The following DLGAP4 variants were observed in gnomAD, a reference collection of about 807,000 sequenced individuals.
DLGAP4 encodes disks large-associated protein 4.
DLGAP4 carries 18 observed loss-of-function variants against 86.9 expected under a neutral mutation model. That is an observed-to-expected ratio of 0.21 (90% CI 0.14 to 0.31). The LOEUF (loss-of-function observed/expected upper bound fraction) is 0.31. Ranked by LOEUF, DLGAP4 falls within the 10% of genes least tolerant of loss-of-function variation. The pLI is 1.00. For missense variants in DLGAP4, 1,085 were observed against 1,362.6 expected (o/e 0.80, Z 3.21); for synonymous variants, 548 against 574.3 (o/e 0.95, Z 0.65).
At chr20:36,411,309 G>A (rs1164775424) in intron 2 of DLGAP4, among the ~76,000 whole-genome samples, 1 of 152,074 alleles carries the variant, frequency 6.6e-6, no homozygotes, top group Admixed American at 6.6e-5. Flanking sequence ...ATTCTTGTCT[G>A]AGGGTCTGCT....
chr20:36,392,890 G>T (rs1253902305), intron 2 of DLGAP4, among the ~76,000 whole-genome samples: 1 of 151,868 alleles, frequency 6.6e-6, no homozygotes, highest in South Asian at 2.1e-4. Context: ...GGTGAGAGAG[G>T]TGTCTCTGAG....
At chr20:36,452,884 G>C (rs1600550512) in intron 7 of DLGAP4, among the ~76,000 whole-genome samples, 1 of 142,388 alleles carries the variant, frequency 7.0e-6, no homozygotes, top group South Asian at 2.2e-4. Context: ...TCAGGCTGGA[G>C]TGCAATGGCA....
chr20:36,443,418 T>C lies in DLGAP4; in HGVS notation c.1407+641T>C, dbSNP rs77372824. Among the ~76,000 whole-genome samples, 527 of 152,216 alleles carry C rather than the reference T, an allele frequency of 3.5e-3. 2 individuals carry two copies. Among genetic ancestry groups the C allele is most frequent in the African/African-American group, 0.012 (509 of 41,528 alleles). ...AAGGTACTCTGAGATCAACCCCACT[T>C]TGTAGCCAGGAGTGGGTAAGGGACT... On this transcript the variant is annotated intron_variant, in intron 6 of 12. Coordinates refer to ENST00000339266, the MANE Select transcript of DLGAP4 (RefSeq NM_001365621.2).
chr20:36,515,639 G>A (rs1294135684), intron 10 of DLGAP4, among the ~76,000 whole-genome samples: 1 of 152,154 alleles, frequency 6.6e-6, no homozygotes, highest in Non-Finnish European at 1.5e-5. Context: ...TGCCCAGGCT[G>A]GTCTCAAACT....
chr20:36,395,858 C>T (rs1257329618), intron 2 of DLGAP4, among the ~76,000 whole-genome samples: 1 of 152,096 alleles, frequency 6.6e-6, no homozygotes, highest in African/African-American at 2.4e-5. Context: ...CATATTTGAT[C>T]GCTTATGGCC....
intron 7 of DLGAP4, among the ~76,000 whole-genome samples, chr20:36,470,496 G>GT (rs897657448): frequency 3.6e-4 from 54 of 151,122 alleles, no homozygotes; most frequent in Admixed American, 1.7e-3. Context: ...TTTGCTGGAG[G>GT]TTTTTTTTGT....
intron 7 of DLGAP4, among the ~76,000 whole-genome samples, chr20:36,453,482 T>G (rs998111793): frequency 6.6e-6 from 1 of 151,934 alleles, no homozygotes; most frequent in Non-Finnish European, 1.5e-5. Flanking sequence ...AGAACCTGTC[T>G]CTACAAAATA....
chr20:36,412,161 A>G (rs1478639809), intron 2 of DLGAP4, among the ~76,000 whole-genome samples: 1 of 152,266 alleles, frequency 6.6e-6, no homozygotes, highest in East Asian at 1.9e-4. Flanking sequence ...CAATTGCTGC[A>G]TTCTGACCAT....
At chr20:36,390,525 C>T (rs1003467107) in intron 2 of DLGAP4, among the ~76,000 whole-genome samples, 2 of 152,138 alleles carry the variant, frequency 1.3e-5, no homozygotes, top group South Asian at 4.2e-4. Context: ...CTATATTTAA[C>T]TCCCACGCTG....
chr20:36,490,917 G>A (rs1479631214), intron 7 of DLGAP4, among the ~76,000 whole-genome samples: 6 of 151,974 alleles, frequency 3.9e-5, no homozygotes, highest in East Asian at 1.9e-4. Context: ...AATGCAGGCC[G>A]GGCACGGTGG....
chr20:36,497,254 C>T (rs1295768431), intron 8 of DLGAP4, 188 bp downstream of exon 8: 5 of 985,308 alleles, frequency 5.1e-6, no homozygotes, highest in Admixed American at 6.1e-5. Context: ...TCTGTCCACA[C>T]GTGCTGCTGG....
At chr20:36,434,322 A>G (rs1484423013) in intron 3 of DLGAP4, among the ~76,000 whole-genome samples, 2 of 152,216 alleles carry the variant, frequency 1.3e-5, no homozygotes, top group Admixed American at 1.3e-4. Context: ...AAATTCCAGA[A>G]ACAGTGAGAC....
At position 36,431,448 on chromosome 20, in the gene DLGAP4, T is replaced by C. The variant is rs1032964803; in HGVS notation, c.-72-198T>C. Among the ~76,000 whole-genome samples, 1 of 152,284 alleles carries C rather than the reference T, an allele frequency of 6.6e-6. No homozygotes were observed. ...AATGGAAGATGTTGTGCTTGTCTGA[T>C]AGTCGGTAGCTTGAGTTGTAACTTT... On this transcript the variant is annotated intron_variant, in intron 2 of 12. Transcript: ENST00000339266. This position sits in a 1 kb window ranked among gnomAD's most constrained non-coding sequence, Gnocchi z 5.1.
chr20:36,461,645 G>A (rs2034059079), intron 7 of DLGAP4: 1 of 842,854 alleles, frequency 1.2e-6, no homozygotes, highest in Non-Finnish European at 1.4e-6. Flanking sequence ...GGCCCCGCGA[G>A]GAGACGGGGG....
At chr20:36,436,536 G>A (rs1033019117) in intron 4 of DLGAP4, among the ~76,000 whole-genome samples, 186 bp downstream of exon 4, 2 of 152,164 alleles carry the variant, frequency 1.3e-5, no homozygotes, top group South Asian at 2.1e-4. Context: ...AATAAGGCCC[G>A]CCCGGCGCGG....
Position 36,436,163 on chromosome 20 carries a change from G to C in DLGAP4, c.1054G>C (p.Asp352His). 1 of 1,596,812 alleles carries C rather than the reference G, an allele frequency of 6.3e-7. No homozygotes were observed. The highest frequency in any genetic ancestry group is 8.5e-7 in the Non-Finnish European group (1 of 1,177,180). ...CACGCTGCTGTCCCCACGCGAGACG[G>C]ATGCCGCGGCCGAGGGCCCTATCCC... ...STTLLSPRET[D>H]AAAEGPIPCR... Residue 352 changes from aspartate to histidine, a missense_variant, in exon 4 of 13, where the codon GAT becomes CAT. By Grantham distance (81) the Asp-to-His change is moderately conservative (BLOSUM62 -1). Around this residue, in one of 2 missense-constraint regions of DLGAP4, gnomAD observed 1,082 missense variants for 1,344.1 expected, o/e 0.81. Transcript: ENST00000339266.
chr20:36,368,791 T>C (rs1004399999), intron 2 of DLGAP4, among the ~76,000 whole-genome samples: 1 of 152,256 alleles, frequency 6.6e-6, no homozygotes, highest in Non-Finnish European at 1.5e-5. Flanking sequence ...GCAATTACTA[T>C]GTGTTTGGCA....
At chr20:36,378,143 A>G (rs1419040182) in intron 2 of DLGAP4, among the ~76,000 whole-genome samples, 1 of 152,142 alleles carries the variant, frequency 6.6e-6, no homozygotes, top group Non-Finnish European at 1.5e-5. Context: ...CTACGCCAAG[A>G]CACCTGGGTG....
At chr20:36,443,611 C>T (rs989692778) in intron 6 of DLGAP4, among the ~76,000 whole-genome samples, 3 of 152,096 alleles carry the variant, frequency 2.0e-5, no homozygotes, top group South Asian at 2.1e-4. Flanking sequence ...GTGGGCCAAG[C>T]GACCTCTTCC....
Sources: gnomAD v4.1 joint callset for allele counts (sites outside exome capture counted in the v4.1 genomes callset) on GRCh38, gnomAD v4.1.1 for gene constraint, gnomAD v4.1.1 regional missense constraint, Gnocchi (gnomAD v3.1) non-coding constraint, MANE v1.5 for transcripts, NCBI Gene and HGNC (gene_info 2026-07-23, HGNC 2026-07-21) for gene names.